Variants in DAP3 observed in about 807,000 individuals in gnomAD.
DAP3 encodes death associated protein 3.
Under a neutral mutation model 51.9 loss-of-function variants are expected in DAP3, and 28 were observed. That is an observed-to-expected ratio of 0.54 (90% CI 0.40 to 0.74). DAP3 has a LOEUF of 0.74. DAP3 is among the 30% of genes least tolerant of loss of function. The pLI, the probability that DAP3 is intolerant of heterozygous loss-of-function variation, is 0.00. For missense variants in DAP3, 458 were observed against 483.5 expected, an observed-to-expected ratio of 0.95 and a Z score of 0.49; for synonymous variants, 170 against 170.3, an observed-to-expected ratio of 1.00 and a Z score of 0.01.
rs1443574435 is a variant in DAP3 at position 155,721,539 on chromosome 1, A to T, written c.191A>T (p.Glu64Val). ...NDPAKHGDQH[E>V]GQHYNISPQD... The stretch of plus-strand genomic sequence containing the variant: ...TAGGCCAAGCATGGGGATCAGCACG[A>T]GGGTCAGCACTACAACATCTCCCCC... The change falls in exon 4 of 13, where the codon GAG becomes GTG. Residue 64 changes from glutamate to valine, a missense_variant. Physicochemically the swap from Glu to Val is moderately radical, Grantham distance 121. Transcript: ENST00000368336. 6.2e-7 allele frequency: 1 copy of T among 1,613,762 alleles called. No individual in the cohort carries two copies. Among genetic ancestry groups the T allele is most frequent in the Non-Finnish European group, 8.5e-7 (1 of 1,179,994 alleles).
At chr1:155,711,407 C>T (rs1297458063) in intron 2 of DAP3, among the ~76,000 whole-genome samples, 14 of 151,994 alleles carry the variant, frequency 9.2e-5, no homozygotes, top group African/African-American at 2.9e-4. Flanking sequence ...GTAAGAGAAT[C>T]GCTTGAACCC....
At chr1:155,718,933 A>T (rs181442595) in intron 3 of DAP3, among the ~76,000 whole-genome samples, 60 of 152,316 alleles carry the variant, frequency 3.9e-4, no homozygotes, top group Admixed American at 3.4e-3. Flanking sequence ...ATCTTGTCAC[A>T]TGACTGGAGC....
chr1:155,721,934 T>C, intron 4 of DAP3: 1 of 478,034 alleles, frequency 2.1e-6, no homozygotes, highest in Non-Finnish European at 3.7e-6. Flanking sequence ...AGCAAAATCA[T>C]AGTACACTCC....
At chr1:155,706,619 T>G (rs922768960) in intron 1 of DAP3, among the ~76,000 whole-genome samples, 1 of 151,160 alleles carries the variant, frequency 6.6e-6, no homozygotes, top group African/African-American at 2.4e-5. Context: ...GTACAAAAAT[T>G]AGCTGGACAT....
At chr1:155,735,831 C>G (rs545996201) in intron 11 of DAP3, among the ~76,000 whole-genome samples, 1 of 144,444 alleles carries the variant, frequency 6.9e-6, no homozygotes, top group East Asian at 2.0e-4. Context: ...ATCACCACGC[C>G]TGGCTAATTT....
At chr1:155,720,362 G>C (rs1358035453) in intron 3 of DAP3, among the ~76,000 whole-genome samples, 3 of 133,500 alleles carry the variant, frequency 2.2e-5, no homozygotes, top group Non-Finnish European at 4.6e-5. Context: ...AGACATAAAG[G>C]CCGGGTGCAG....
chr1:155,729,585 G>C (rs1229793674), intron 9 of DAP3, among the ~76,000 whole-genome samples: 1 of 151,920 alleles, frequency 6.6e-6, no homozygotes, highest in Non-Finnish European at 1.5e-5. Context: ...TTCAAGACTA[G>C]GATGGGCACT....
At chr1:155,714,581 A>G (rs348199) in intron 2 of DAP3, among the ~76,000 whole-genome samples, 9,685 of 152,004 alleles carry the variant, frequency 0.064, 1,054 homozygotes, top group African/African-American at 0.22. Context: ...CATGACCAAC[A>G]TGGTGAAACC....
At chr1:155,689,890 G>A (rs1429632427) in intron 1 of DAP3, among the ~76,000 whole-genome samples, 1 of 140,266 alleles carries the variant, frequency 7.1e-6, no homozygotes, top group Non-Finnish European at 1.5e-5. Flanking sequence ...CCAGCCTGGC[G>A]ACAAAGCGAG....
At chr1:155,726,480 CAG>C (rs1208269438) in intron 6 of DAP3, among the ~76,000 whole-genome samples, 2 of 151,636 alleles carry the variant, frequency 1.3e-5, no homozygotes, top group Admixed American at 1.3e-4. Context: ...TTAGTAGAGA[CAG>C]GGTTTCACCA....
intron 1 of DAP3, among the ~76,000 whole-genome samples, chr1:155,702,276 T>A (rs910376563): frequency 1.3e-5 from 2 of 151,628 alleles, no homozygotes; most frequent in African/African-American, 4.9e-5. Flanking sequence ...GAGATCATCC[T>A]GGCTAACACA....
chr1:155,690,365 A>C (rs965973629), intron 1 of DAP3, among the ~76,000 whole-genome samples: 1 of 140,822 alleles, frequency 7.1e-6, no homozygotes, highest in Non-Finnish European at 1.5e-5. Flanking sequence ...CAGCTTAGGC[A>C]ACACGGTGAA....
At chr1:155,725,588 C>A in intron 5 of DAP3, 98 bp downstream of exon 5, 3 of 1,134,328 alleles carry the variant, frequency 2.6e-6, no homozygotes, top group South Asian at 1.3e-5. Flanking sequence ...TGAGGCCGGG[C>A]ATGGTAGCTC....
At position 155,725,984 on chromosome 1, in the gene DAP3, C is replaced by G. The variant is rs1186832758; in HGVS notation, c.437C>G (p.Ala146Gly). The change falls in exon 6 of 13, where the codon GCA (alanine) becomes GGA (glycine). Residue 146 changes from alanine (A) to glycine (G), a missense_variant. Coordinates refer to ENST00000368336, the MANE Select transcript of DAP3 (RefSeq NM_004632.4). ...CTTTGCCATGTTATTCATTTCTGTG[C>G]AAAACAGGACTGGCTGATACTACAT... ...LSLCHVIHFCAKQDWLILHIP... is the reference protein window; with the variant it reads ...LSLCHVIHFCGKQDWLILHIP... 3 of 1,614,080 alleles carry G rather than the reference C, an allele frequency of 1.9e-6. No individual in the cohort carries two copies. The East Asian group carries it at 6.7e-5, about 36-fold the overall frequency.
chr1:155,721,047 GAAGAC>G (rs1319308155), intron 3 of DAP3, among the ~76,000 whole-genome samples: 4 of 143,496 alleles, frequency 2.8e-5, no homozygotes, highest in Non-Finnish European at 6.1e-5. Context: ...AAAAAAAAAA[GAAGAC>G]AAGGCTGGGC....
chr1:155,695,838 T>C (rs1240916627), intron 1 of DAP3, among the ~76,000 whole-genome samples: 2 of 152,210 alleles, frequency 1.3e-5, no homozygotes. Context: ...TTCCCAGTAC[T>C]GGAGCCATCA....
intron 5 of DAP3, 31 bp downstream of exon 5, chr1:155,725,521 G>T (rs777337438): frequency 1.3e-6 from 2 of 1,574,496 alleles, no homozygotes; most frequent in South Asian, 2.2e-5. Flanking sequence ...GGACCCTCAT[G>T]AACCAATGCT....
chr1:155,736,706 T>C, intron 11 of DAP3: 1 of 476,942 alleles, frequency 2.1e-6, no homozygotes, highest in Non-Finnish European at 3.8e-6. Context: ...TGTGAGTCAC[T>C]GTGCCCAGCC....
intron 2 of DAP3, 81 bp downstream of exon 2, chr1:155,709,905 T>C: frequency 1.4e-6 from 2 of 1,402,600 alleles, no homozygotes; most frequent in South Asian, 1.2e-5. Flanking sequence ...ATTCATTGTA[T>C]CTAGAGTGAA....
Sources: allele counts gnomAD v4.1 joint callset (sites outside exome capture counted in the v4.1 genomes callset), GRCh38; gene constraint gnomAD v4.1.1; transcripts MANE v1.5; gene names NCBI Gene and HGNC (gene_info 2026-07-23, HGNC 2026-07-21).